SIK3: variants seen among roughly 807,000 people sequenced by gnomAD.
SIK3 encodes SIK family kinase 3.
In SIK3, 28 loss-of-function variants were observed where a neutral mutation model predicts 144.2. The ratio of observed to expected loss-of-function variants is 0.19; its 90% CI spans 0.14 to 0.27. SIK3 has a LOEUF of 0.27. Among genes scored for constraint, SIK3 ranks in the 10% least tolerant of loss-of-function variants. SIK3 has a pLI of 1.00. For synonymous variants in SIK3, 686 were observed against 676.3 expected (o/e 1.01, Z -0.22); for missense variants, 1,319 against 1,776.0 (o/e 0.74, Z 4.62).
intron 1 of SIK3, among the ~76,000 whole-genome samples, chr11:116,998,055 T>C (rs1443786420): frequency 1.3e-5 from 2 of 151,968 alleles, no homozygotes; most frequent in African/African-American, 4.8e-5. Flanking sequence ...GGTCTTGCTA[T>C]GTTACCCAGG....
intron 6 of SIK3, among the ~76,000 whole-genome samples, chr11:116,884,516 C>T (rs1002060289): frequency 2.0e-5 from 3 of 151,158 alleles, no homozygotes; most frequent in Non-Finnish European, 3.0e-5. Context: ...CATGCCACCA[C>T]GCCCAGCTAA....
chr11:116,914,678 G>T (rs902047901), intron 4 of SIK3, among the ~76,000 whole-genome samples: 1 of 152,200 alleles, frequency 6.6e-6, no homozygotes, highest in Admixed American at 6.5e-5. Context: ...AAAAGTTCCA[G>T]AGGGGCAATT....
chr11:117,027,727 A>G lies in SIK3; in HGVS notation c.273+70416T>C, dbSNP rs369769291. Among the ~76,000 whole-genome samples the G allele has an allele frequency of 4.0e-4, 61 of 152,020 alleles. 1 individual carries two copies. Among genetic ancestry groups the G allele is most frequent in the African/African-American group, 1.5e-3 (60 of 41,362 alleles). On this transcript the variant is annotated intron_variant, in intron 1 of 24. Transcript: ENST00000445177. ...GGTGATCCACCTGCCTCAGCCTCCAAAAGTGCTGGGATTACAGACGTGAGC... is the reference window on the plus strand; with the variant it reads ...GGTGATCCACCTGCCTCAGCCTCCAGAAGTGCTGGGATTACAGACGTGAGC...
chr11:117,014,993 A>T (rs999495014), intron 1 of SIK3, among the ~76,000 whole-genome samples: 12 of 152,062 alleles, frequency 7.9e-5, no homozygotes, highest in Non-Finnish European at 1.5e-5. Flanking sequence ...GAGCCCAGGA[A>T]GTTGAGGCTG....
chr11:116,853,269 G>A (rs187548716), intron 21 of SIK3, among the ~76,000 whole-genome samples: 3 of 152,226 alleles, frequency 2.0e-5, no homozygotes, highest in East Asian at 3.9e-4. Flanking sequence ...AGACCCTATC[G>A]ACCATTTTGG....
rs1469986859 is a variant in SIK3, at chr11:116,857,835, G to C, written c.3630C>G (p.Phe1210Leu). 3 of 1,614,184 alleles carry C rather than the reference G, an allele frequency of 1.9e-6. No individual in the cohort carries two copies. In the South Asian group the frequency reaches 3.3e-5, roughly 18 times the overall value. ...HPYGHQPTAAFSKNKVPSREP... is the reference protein window; with the variant it reads ...HPYGHQPTAALSKNKVPSREP... Reference sequence around the variant, plus strand: ...CTCTGCTGGGCACCTTATTTTTACTGAATGCAGCAGTTGGCTGATGACCAT... The same window carrying C: ...CTCTGCTGGGCACCTTATTTTTACTCAATGCAGCAGTTGGCTGATGACCAT... Residue 1210 changes from phenylalanine to leucine, a missense_variant, in exon 21 of 25, where the codon TTC becomes TTG. Phe to Leu is a conservative substitution (Grantham distance 22). Coordinates refer to ENST00000445177, the MANE Select transcript of SIK3 (RefSeq NM_001366686.3).
intron 1 of SIK3, among the ~76,000 whole-genome samples, chr11:117,056,910 T>A (rs1365254044): frequency 2.0e-5 from 3 of 152,334 alleles, no homozygotes; most frequent in South Asian, 4.1e-4. Flanking sequence ...CACATCTATA[T>A]AATAACATTT....
At chr11:116,875,307 G>C in intron 10 of SIK3, 40 bp from the exon 11 acceptor site, 1 of 1,612,886 alleles carries the variant, frequency 6.2e-7, no homozygotes, top group Non-Finnish European at 8.5e-7. Flanking sequence ...GAAATCAGAA[G>C]GAAGGGAAGC....
intron 1 of SIK3, among the ~76,000 whole-genome samples, chr11:117,001,856 A>G (rs1351371101): frequency 6.6e-6 from 1 of 152,180 alleles, no homozygotes; most frequent in Non-Finnish European, 1.5e-5. Flanking sequence ...CACCTTCTAC[A>G]TTGTCACATG....
chr11:117,096,092 T>C (rs1955460375), intron 1 of SIK3, among the ~76,000 whole-genome samples: 1 of 152,164 alleles, frequency 6.6e-6, no homozygotes, highest in Admixed American at 6.5e-5. Context: ...ACATGAAAAT[T>C]AGAAAGCGGG....
intron 2 of SIK3, among the ~76,000 whole-genome samples, chr11:116,956,738 T>G (rs182808153): frequency 1.3e-5 from 2 of 152,126 alleles, no homozygotes; most frequent in South Asian, 2.1e-4. Context: ...AAGACCTACC[T>G]GGGTAAGGAA....
At chr11:117,004,359 A>G (rs1429268579) in intron 1 of SIK3, among the ~76,000 whole-genome samples, 1 of 152,084 alleles carries the variant, frequency 6.6e-6, no homozygotes, top group Non-Finnish European at 1.5e-5. Context: ...TACAAAAAAT[A>G]CAAAAAATTA....
At chr11:116,902,204 C>T (rs1204361639) in intron 4 of SIK3, among the ~76,000 whole-genome samples, 1 of 152,152 alleles carries the variant, frequency 6.6e-6, no homozygotes, top group Non-Finnish European at 1.5e-5. Context: ...TTCAATGGAG[C>T]ATGCAACAGG....
chr11:116,920,194 T>C (rs1946884285), intron 4 of SIK3, among the ~76,000 whole-genome samples: 1 of 151,304 alleles, frequency 6.6e-6, no homozygotes, highest in South Asian at 2.1e-4. Flanking sequence ...TTGTGCATTC[T>C]ACTGCTGCCC....
At chr11:116,868,421 T>C (rs529434992) in intron 14 of SIK3, among the ~76,000 whole-genome samples, 2 of 152,258 alleles carry the variant, frequency 1.3e-5, no homozygotes, top group Admixed American at 1.3e-4. Context: ...AATTTATTCA[T>C]CTTTTCCCTC....
At chr11:117,070,606 G>A (rs930338069) in intron 1 of SIK3, among the ~76,000 whole-genome samples, 12 of 151,360 alleles carry the variant, frequency 7.9e-5, no homozygotes, top group East Asian at 5.8e-4. Context: ...GCCATCACAC[G>A]AGCTAATTTT....
At chr11:117,071,578 A>T (rs1464212561) in intron 1 of SIK3, among the ~76,000 whole-genome samples, 2 of 152,004 alleles carry the variant, frequency 1.3e-5, no homozygotes, top group Non-Finnish European at 2.9e-5. Context: ...TAGAAGGAAG[A>T]AGGGGAAGAA....
At position 116,849,285 on chromosome 11, in the gene SIK3, T is replaced by G; in HGVS notation, c.3656-2A>C. 1 of 1,614,142 alleles carries G rather than the reference T, an allele frequency of 6.2e-7. No individual in the cohort carries two copies. Among genetic ancestry groups the G allele is most frequent in the Non-Finnish European group, 8.5e-7 (1 of 1,180,002 alleles). ...CCATGCAGTTCCCTATGACAGGCTC[T>G]GAGGAGACACAGCAGAATAGAGTCA... On this transcript the variant is annotated splice_acceptor_variant, in intron 21 of 24. Transcript: ENST00000445177. LOFTEE classifies it high-confidence loss of function. This position sits in a 1 kb window ranked among gnomAD's most constrained non-coding sequence, Gnocchi z 4.2.
chr11:117,042,643 T>C lies in SIK3; in HGVS notation c.273+55500A>G, dbSNP rs542335663. On this transcript the variant is annotated intron_variant, in intron 1 of 24. Transcript: ENST00000445177. ...TTTCAGTAAGCATTTTGCTGTGGTTTCTCAGTTAGATTTCATCTAAATATG... is the reference window on the plus strand; with the variant it reads ...TTTCAGTAAGCATTTTGCTGTGGTTCCTCAGTTAGATTTCATCTAAATATG... Among the ~76,000 whole-genome samples the C allele has an allele frequency of 1.7e-3, 252 of 152,346 alleles. 2 individuals are homozygous for C. Among genetic ancestry groups the C allele is most frequent in the African/African-American group, 5.6e-3 (234 of 41,584 alleles).
Sources: gnomAD v4.1 joint callset for allele counts (sites outside exome capture counted in the v4.1 genomes callset) on GRCh38, gnomAD v4.1.1 for gene constraint, Gnocchi (gnomAD v3.1) non-coding constraint, MANE v1.5 for transcripts, NCBI Gene and HGNC (gene_info 2026-07-23, HGNC 2026-07-21) for gene names.